The following SLC35D4 variants were observed in gnomAD, a reference collection of about 807,000 sequenced individuals.
The protein encoded by SLC35D4 is UDP-N-acetylglucosamine transporter SLC35D4.
At chr18:23,415,756 G>A in the SLC35D4 span, among the ~76,000 whole-genome samples, 1 of 152,216 alleles carries the variant, frequency 6.6e-6, no homozygotes, top group Non-Finnish European at 1.5e-5. Context: ...GTACAACAGC[G>A]CTATCTGTCC....
the SLC35D4 span, among the ~76,000 whole-genome samples, chr18:23,434,853 C>G: frequency 5.3e-5 from 8 of 151,464 alleles, no homozygotes; most frequent in East Asian, 1.4e-3. Flanking sequence ...TGAAAAAGTG[C>G]CACAAATGAA....
the SLC35D4 span, chr18:23,376,838 A>G: frequency 4.4e-6 from 2 of 456,598 alleles, no homozygotes; most frequent in Non-Finnish European, 8.8e-6. Context: ...TGATTACATC[A>G]GGTATCATGA....
the SLC35D4 span, among the ~76,000 whole-genome samples, chr18:23,431,990 T>C: frequency 1.3e-5 from 2 of 152,250 alleles, no homozygotes; most frequent in African/African-American, 4.8e-5. Flanking sequence ...ATTCCCCTTG[T>C]CTGAGCTCCT....
chr18:23,332,666 T>C, the SLC35D4 span, among the ~76,000 whole-genome samples: 20 of 152,222 alleles, frequency 1.3e-4, no homozygotes, highest in South Asian at 4.1e-4. Context: ...GACTTTTTTT[T>C]CCCTTTTCTT....
At chr18:23,378,969 C>A in the SLC35D4 span, among the ~76,000 whole-genome samples, 1 of 152,186 alleles carries the variant, frequency 6.6e-6, no homozygotes, top group Non-Finnish European at 1.5e-5. Context: ...CTTTGTCCAA[C>A]CCTGCCTCTG....
At chr18:23,357,488 C>G in the SLC35D4 span, among the ~76,000 whole-genome samples, 1 of 152,234 alleles carries the variant, frequency 6.6e-6, no homozygotes, top group African/African-American at 2.4e-5. Context: ...GATAGCTTGT[C>G]TTCCAAATCT....
the SLC35D4 span, among the ~76,000 whole-genome samples, chr18:23,407,658 T>A: frequency 4.6e-5 from 7 of 152,130 alleles, no homozygotes. Flanking sequence ...ATAAAGGAAC[T>A]TTAAATTAAA....
At chr18:23,253,936 C>T in the SLC35D4 span, 11 of 1,613,688 alleles carry the variant, frequency 6.8e-6, no homozygotes, top group South Asian at 4.4e-5. Context: ...ATTTAATTGA[C>T]GTAAGTAGCC....
the SLC35D4 span, among the ~76,000 whole-genome samples, chr18:23,262,319 TG>T: frequency 6.6e-6 from 1 of 152,218 alleles, no homozygotes; most frequent in Non-Finnish European, 1.5e-5. Context: ...CAGCAGCTGC[TG>T]GTTAAGGACA....
At chr18:23,313,156 A>AAAAAT in the SLC35D4 span, among the ~76,000 whole-genome samples, 2 of 146,628 alleles carry the variant, frequency 1.4e-5, no homozygotes, top group Non-Finnish European at 3.0e-5. Context: ...AAAAAAAAAA[A>AAAAAT]AGAACCTGAG....
At chr18:23,364,342 C>T in the SLC35D4 span, among the ~76,000 whole-genome samples, 1 of 152,244 alleles carries the variant, frequency 6.6e-6, no homozygotes, top group East Asian at 1.9e-4. Flanking sequence ...AAACAAAAAT[C>T]TATCTTAAGG....
chr18:23,356,822 G>C, the SLC35D4 span, among the ~76,000 whole-genome samples: 1 of 152,162 alleles, frequency 6.6e-6, no homozygotes, highest in Non-Finnish European at 1.5e-5. This position sits in a 1 kb window ranked among gnomAD's most constrained non-coding sequence, Gnocchi z 4.1. Flanking sequence ...TTCTGTTACT[G>C]ACATTGTCTT....
the SLC35D4 span, chr18:23,257,157 G>A: frequency 6.5e-7 from 1 of 1,548,886 alleles, no homozygotes; most frequent in African/African-American, 1.4e-5. Context: ...GGATAGAGAA[G>A]CTGCAATTGC....
chr18:23,409,849 A>G, the SLC35D4 span, among the ~76,000 whole-genome samples: 83 of 43,502 alleles, frequency 1.9e-3, 1 homozygote, highest in African/African-American at 6.9e-3. Context: ...GTCTCTTAAA[A>G]AAAAAAAAAA....
chr18:23,432,117 C>T, the SLC35D4 span, among the ~76,000 whole-genome samples: 1 of 152,054 alleles, frequency 6.6e-6, no homozygotes, highest in African/African-American at 2.4e-5. Context: ...TATTTTTATT[C>T]TTATATGGAG....
the SLC35D4 span, among the ~76,000 whole-genome samples, chr18:23,264,552 A>G: frequency 6.6e-6 from 1 of 151,850 alleles, no homozygotes; most frequent in Non-Finnish European, 1.5e-5. Context: ...TAGTAGAGAC[A>G]GGGTTTCACT....
At chr18:23,349,218 C>T in the SLC35D4 span, among the ~76,000 whole-genome samples, 1 of 152,200 alleles carries the variant, frequency 6.6e-6, no homozygotes, top group African/African-American at 2.4e-5. Flanking sequence ...AAATTGATTT[C>T]TTCAAATATT....
At chr18:23,427,818 A>G in the SLC35D4 span, among the ~76,000 whole-genome samples, 1 of 152,202 alleles carries the variant, frequency 6.6e-6, no homozygotes, top group Admixed American at 6.5e-5. Context: ...GCACATATAC[A>G]CCATGGAATA....
the SLC35D4 span, chr18:23,254,049 C>T: frequency 2.0e-4 from 163 of 834,674 alleles, 1 homozygote; most frequent in African/African-American, 2.5e-3. Flanking sequence ...CCTTAGTCAG[C>T]AATTGAGGTG....
Sources: allele counts gnomAD v4.1 joint callset (sites outside exome capture counted in the v4.1 genomes callset), GRCh38; gene constraint gnomAD v4.1.1; non-coding constraint Gnocchi (gnomAD v3.1); transcripts MANE v1.5; gene names NCBI Gene and HGNC (gene_info 2026-07-23, HGNC 2026-07-21).